The following DNAJC16 variants were observed in gnomAD, a reference collection of about 807,000 sequenced individuals.
DNAJC16 encodes dnaJ homolog subfamily C member 16.
DNAJC16 carries 76 observed loss-of-function variants against 92.7 expected under a neutral mutation model. That is an observed-to-expected ratio of 0.82 (90% CI 0.68 to 0.99). DNAJC16 has a LOEUF of 0.99. Among genes scored for constraint, DNAJC16 ranks in the 50% least tolerant of loss-of-function variants. The pLI is 0.00. For missense variants in DNAJC16, 869 were observed against 942.4 expected, an observed-to-expected ratio of 0.92 and a Z score of 1.02; for synonymous variants, 328 against 358.7, an observed-to-expected ratio of 0.91 and a Z score of 0.97.
Position 15,564,025 on chromosome 1 carries a change from T to C in DNAJC16, c.1435T>C (p.Leu479=), listed in dbSNP as rs779671264. The part of the protein sequence containing the change: ...IGSESDKFIL[L]GYLDQLRKDP... ...GAGTGAGAGTGACAAATTTATCCTC[T>C]TGGGCTATCTCGACCAGCTGCGTAA... Residue 479 remains leucine (L), a synonymous_variant, in exon 10 of 15, where the codon TTG becomes CTG. Transcript: ENST00000375847. 3 of 1,613,844 alleles carry C rather than the reference T, an allele frequency of 1.9e-6. No individual in the cohort carries two copies. The East Asian group carries it at 6.7e-5, about 36-fold the overall frequency.
At position 15,564,310 on chromosome 1, in the gene DNAJC16, G is replaced by A; in HGVS notation, c.1549G>A (p.Ala517Thr). 6.2e-7 allele frequency: 1 copy of A among 1,610,962 alleles called. No homozygotes were observed. The highest frequency in any genetic ancestry group is 1.1e-5 in the South Asian group (1 of 91,012). ...PVFLLRWFYS[A>T]SDYISDCWDS... is the part of the protein sequence containing the mutation. The stretch of plus-strand genomic sequence containing the variant: ...TTTTCTCCTTCGATGGTTCTACTCT[G>A]CTTCTGACTACATCTCAGACTGCTG... The change falls in exon 11 of 15, where the codon GCT becomes ACT. Residue 517 changes from alanine to threonine, a missense_variant. By Grantham distance (58) the Ala-to-Thr change is moderately conservative (BLOSUM62 0). Transcript: ENST00000375847.
At chr1:15,528,157 G>C (rs1162446571) in intron 1 of DNAJC16, among the ~76,000 whole-genome samples, 1 of 152,190 alleles carries the variant, frequency 6.6e-6, no homozygotes, top group African/African-American at 2.4e-5. Context: ...ATATTGGCCG[G>C]CGCGATGGCT....
intron 7 of DNAJC16, among the ~76,000 whole-genome samples, chr1:15,558,632 G>A (rs549606125): frequency 2.0e-5 from 3 of 152,060 alleles, no homozygotes; most frequent in Non-Finnish European, 4.4e-5. Context: ...ATACCTGGCC[G>A]TGTTTCTTAA....
chr1:15,534,910 TC>T (rs1389412776), intron 3 of DNAJC16, among the ~76,000 whole-genome samples: 1 of 152,196 alleles, frequency 6.6e-6, no homozygotes, highest in African/African-American at 2.4e-5. Context: ...ACATACCAAA[TC>T]GCCTATATTT....
chr1:15,555,058 T>G (rs1419956389), intron 7 of DNAJC16, among the ~76,000 whole-genome samples: 9 of 151,406 alleles, frequency 5.9e-5, no homozygotes, highest in Non-Finnish European at 1.3e-4. Context: ...TTTGATAGTT[T>G]ATGCTGCAGA....
At chr1:15,567,359 T>TG (rs1385267313) in intron 14 of DNAJC16, 90 bp downstream of exon 14, 2 of 1,392,992 alleles carry the variant, frequency 1.4e-6, no homozygotes, top group African/African-American at 1.4e-5. Flanking sequence ...TTTGGTCTTG[T>TG]GGGGCTTCAT....
In DNAJC16 at chr1:15,544,882, A is replaced by G. The variant is rs533474098; in HGVS notation, c.759+299A>G. Among the ~76,000 whole-genome samples the G allele has an allele frequency of 2.0e-5, 3 of 147,134 alleles. No homozygotes were observed. The East Asian group carries it at 5.8e-4, about 28-fold the overall frequency. ...CTAAAATGACAGTGCCTATTTTCTAAACAAAAAAATTAAATCACATGTTAG... is the reference window on the plus strand; with the variant it reads ...CTAAAATGACAGTGCCTATTTTCTAGACAAAAAAATTAAATCACATGTTAG... On this transcript the variant is annotated intron_variant, in intron 5 of 14. Transcript: ENST00000375847.
chr1:15,544,328 A>C, intron 4 of DNAJC16, 71 bp from the exon 5 acceptor site: 3 of 1,456,520 alleles, frequency 2.1e-6, no homozygotes, highest in Non-Finnish European at 2.7e-6. Flanking sequence ...ACACCAAAAA[A>C]TTACTTAGCA....
In DNAJC16 at chr1:15,536,486, T is replaced by C; in HGVS notation, c.246T>C (p.Asn82=). The C allele has an allele frequency of 6.3e-7, 1 of 1,576,212 alleles. No homozygotes were observed. Among genetic ancestry groups the C allele is most frequent in the East Asian group, 2.2e-5 (1 of 44,530 alleles). ...QISKAYEILS[N]EEKRSNYDQY... is the part of the protein sequence containing the mutation. ...TTCTTCCTTTATAGATTCTTTCAAA[T>C]GAAGAAAAGAGATCAAATTATGATC... Residue 82 remains asparagine (N), a synonymous_variant, in exon 4 of 15, where the codon AAT becomes AAC. Coordinates refer to ENST00000375847, the MANE Select transcript of DNAJC16 (RefSeq NM_015291.4).
At position 15,568,376 on chromosome 1, in the gene DNAJC16, G is replaced by A; in HGVS notation, c.*199G>A. 1.8e-6 allele frequency: 1 copy of A among 557,136 alleles called. No individual in the cohort carries two copies. Among genetic ancestry groups the A allele is most frequent in the South Asian group, 2.7e-5 (1 of 36,396 alleles). The allele number at this position is 557,136 out of a possible 1,614,324, so 34.5% of individuals were successfully genotyped here. A position where few individuals can be genotyped will look rare whatever the true frequency, so the allele number is the denominator to read the frequency against. On this transcript the variant is annotated 3_prime_UTR_variant, in exon 15 of 15. Coordinates refer to ENST00000375847, the MANE Select transcript of DNAJC16 (RefSeq NM_015291.4). ...CACCACCAGTTTGAATCGCCTAGAT[G>A]AAAATCTTTTCCTCTGGGTGTTATT...
rs148347718 is a variant in DNAJC16, at chr1:15,539,989, C to T, written c.574+3175C>T. On this transcript the variant is annotated intron_variant, in intron 4 of 14. Transcript: ENST00000375847. ...TTGCAGTGAGCCAAGATCGAGTCAC[C>T]GCACTCCAGCCTGGGCAACAGAGCA... 9.8e-4 allele frequency among the ~76,000 whole-genome samples: 149 copies of T among 151,724 alleles called. 1 individual carries two copies. The highest frequency in any genetic ancestry group is 3.4e-3 in the African/African-American group (140 of 41,352).
chr1:15,539,107 T>C (rs1710865098), intron 4 of DNAJC16, among the ~76,000 whole-genome samples: 1 of 152,240 alleles, frequency 6.6e-6, no homozygotes, highest in African/African-American at 2.4e-5. Flanking sequence ...AGATGTTTAC[T>C]AATGCACGGA....
At chr1:15,553,658 G>C (rs1638499935) in intron 7 of DNAJC16, among the ~76,000 whole-genome samples, 1 of 152,146 alleles carries the variant, frequency 6.6e-6, no homozygotes. Context: ...ACACATCCAT[G>C]TTAGCTTCAC....
At position 15,559,640 on chromosome 1, in the gene DNAJC16, T is replaced by C. The variant is rs576810470; in HGVS notation, c.1138T>C (p.Ser380Pro). Residue 380 changes from serine to proline, a missense_variant, in exon 8 of 15, where the codon TCG becomes CCG. Transcript: ENST00000375847. The part of the protein sequence containing the change: ...LFHELCPVKR[S>P]HRQRKYCVVL... ...CCATGAACTCTGCCCTGTGAAACGG[T>C]CGCATCGACAGAGGAAGTAAGGACT... 6.2e-7 allele frequency: 1 copy of C among 1,614,106 alleles called. No homozygotes were observed. The highest frequency in any genetic ancestry group is 1.1e-5 in the South Asian group (1 of 91,074).
intron 6 of DNAJC16, 30 bp downstream of exon 6, chr1:15,546,901 T>G: frequency 1.4e-6 from 2 of 1,392,732 alleles, no homozygotes; most frequent in Non-Finnish European, 1.9e-6. Context: ...AATGGTTTCT[T>G]TTTCTTTTCT....
chr1:15,567,881 T>C lies in DNAJC16; in HGVS notation c.2053T>C (p.Tyr685His), dbSNP rs1418628800. Residue 685 changes from tyrosine to histidine, a missense_variant, in exon 15 of 15, where the codon TAT (tyrosine) becomes CAT (histidine). Coordinates refer to ENST00000375847, the MANE Select transcript of DNAJC16 (RefSeq NM_015291.4). ...AQDAAPIPNQ[Y>H]DKHFMERDYT... ...AGATGCAGCTCCAATCCCAAACCAA[T>C]ATGATAAGCATTTCATGGAGCGTGA... 6.2e-7 allele frequency: 1 copy of C among 1,614,066 alleles called. No homozygotes were observed. Among genetic ancestry groups the C allele is most frequent in the Non-Finnish European group, 8.5e-7 (1 of 1,180,034 alleles).
chr1:15,552,024 G>A (rs1357355813), intron 7 of DNAJC16, among the ~76,000 whole-genome samples: 2 of 135,892 alleles, frequency 1.5e-5, no homozygotes, highest in East Asian at 4.1e-4. Context: ...ATGAGACTCT[G>A]TCTCAAAAAA....
chr1:15,529,910 T>C (rs780652994), intron 2 of DNAJC16, among the ~76,000 whole-genome samples: 49 of 152,328 alleles, frequency 3.2e-4, no homozygotes, highest in Non-Finnish European at 5.9e-4. Flanking sequence ...AGCTTACTTA[T>C]AATACCTAAT....
chr1:15,556,986 T>A (rs899706084), intron 7 of DNAJC16, among the ~76,000 whole-genome samples: 30 of 152,390 alleles, frequency 2.0e-4, no homozygotes, highest in Admixed American at 1.4e-3. Context: ...CTAACTCATA[T>A]TAATTCATTC....
Sources: allele counts gnomAD v4.1 joint callset (sites outside exome capture counted in the v4.1 genomes callset), GRCh38; gene constraint gnomAD v4.1.1; transcripts MANE v1.5; gene names NCBI Gene and HGNC (gene_info 2026-07-23, HGNC 2026-07-21).